Variants in STXBP5 observed in about 807,000 individuals in gnomAD.
The protein encoded by STXBP5 is syntaxin binding protein 5, also known as syntaxin-binding protein 5.
A neutral mutation model predicts 152.4 loss-of-function variants in STXBP5; 50 were observed. The observed-to-expected ratio is 0.33, with a 90% CI of 0.26 to 0.42. The LOEUF (loss-of-function observed/expected upper bound fraction) is 0.42, where lower values mean the gene tolerates loss of function less well. STXBP5 is among the 10% of genes least tolerant of loss of function. The pLI is 1.00. For missense variants in STXBP5, 1,167 were observed against 1,388.6 expected, an observed-to-expected ratio of 0.84 and a Z score of 2.54; for synonymous variants, 492 against 494.7, an observed-to-expected ratio of 0.99 and a Z score of 0.07.
chr6:147,305,655 T>C (rs1782052870), intron 9 of STXBP5, among the ~76,000 whole-genome samples: 1 of 152,188 alleles, frequency 6.6e-6, no homozygotes, highest in African/African-American at 2.4e-5. Context: ...TAGGTATTAA[T>C]AGTTTATGTT....
chr6:147,253,788 A>G (rs1361047355), intron 4 of STXBP5, among the ~76,000 whole-genome samples: 1 of 152,240 alleles, frequency 6.6e-6, no homozygotes, highest in Non-Finnish European at 1.5e-5. Context: ...CCTCAAGGAA[A>G]TAAGAGAGGA....
intron 16 of STXBP5, among the ~76,000 whole-genome samples, chr6:147,319,681 A>G (rs935827904): frequency 6.6e-6 from 1 of 152,102 alleles, no homozygotes; most frequent in African/African-American, 2.4e-5. Flanking sequence ...CCCTGTCAGT[A>G]TGTTTTATAA....
intron 21 of STXBP5, among the ~76,000 whole-genome samples, chr6:147,347,624 G>T (rs546389078): frequency 6.6e-6 from 1 of 152,216 alleles, no homozygotes; most frequent in Admixed American, 6.5e-5. Context: ...GGAAAAGAGG[G>T]CTACTTTCCT....
Position 147,307,803 on chromosome 6 carries a change from A to C in STXBP5, c.918-2281A>C, listed in dbSNP as rs755460191. ...CAAACTGTTTCTCTTTTGTAAATAT[A>C]AGTTTAGAAAATAAGTACAGGCAGC... On this transcript the variant is annotated intron_variant, in intron 9 of 27. Coordinates refer to ENST00000321680, the MANE Select transcript of STXBP5 (RefSeq NM_001127715.4). Among the ~76,000 whole-genome samples, 68 of 152,316 alleles carry C rather than the reference A, an allele frequency of 4.5e-4. 2 individuals carry two copies. The highest frequency in any genetic ancestry group is 1.2e-3 in the South Asian group (6 of 4,830).
chr6:147,267,241 G>A (rs1779937864), intron 7 of STXBP5, 74 bp downstream of exon 7: 1 of 1,294,626 alleles, frequency 7.7e-7, no homozygotes, highest in Non-Finnish European at 1.1e-6. Context: ...AACTTAATTG[G>A]TAATTTTACT....
rs1326122860 is a variant in STXBP5, at chr6:147,384,624, CAT to C, written c.3415-88_3415-87del. ...AGCACTACAGAATATTGCAGAATGA[CAT>C]AATGTTTTGGAAAAATATAGAAATC... On this transcript the variant is annotated intron_variant, in intron 27 of 27. Transcript: ENST00000321680. 1.7e-5 allele frequency: 22 copies of C among 1,304,050 alleles called. No homozygotes were observed. The East Asian group carries it at 2.3e-4, about 14-fold the overall frequency. 80.8% of individuals were successfully genotyped at this position (1,304,050 alleles called of 1,614,324 possible). A position where few individuals can be genotyped will look rare whatever the true frequency, so the allele number is the denominator to read the frequency against.
chr6:147,246,647 C>CT (rs917403451), intron 4 of STXBP5, among the ~76,000 whole-genome samples: 3 of 152,008 alleles, frequency 2.0e-5, no homozygotes, highest in African/African-American at 7.2e-5. Context: ...TTCTATATGA[C>CT]TTTTATTATT....
chr6:147,291,002 C>T, intron 8 of STXBP5, 92 bp from the exon 9 acceptor site: 1 of 899,596 alleles, frequency 1.1e-6, no homozygotes, highest in South Asian at 2.1e-5. Flanking sequence ...TGGTGGATTT[C>T]ATTATATTTC....
At position 147,363,645 on chromosome 6, in the gene STXBP5, A is replaced by G. The variant is rs774082456; in HGVS notation, c.2856A>G (p.Ala952=). The G allele has an allele frequency of 9.9e-6, 16 of 1,614,014 alleles. No individual in the cohort carries two copies. In the East Asian group the frequency reaches 3.3e-4, roughly 34 times the overall value. ...TSFVLRGDIV[A]LSNSICLACF... is the part of the protein sequence containing the mutation. The stretch of plus-strand genomic sequence containing the variant: ...TTGTGCTTCGTGGAGATATTGTAGC[A>G]TTGAGTAACAGTATCTGCCTTGCCT... Residue 952 remains alanine (A), a synonymous_variant, in exon 24 of 28, where the codon GCA becomes GCG. Coordinates refer to ENST00000321680, the MANE Select transcript of STXBP5 (RefSeq NM_001127715.4).
rs200412410 is a variant in STXBP5 at position 147,303,722 on chromosome 6, A to G, written c.918-6362A>G. Among the ~76,000 whole-genome samples, 22 of 152,330 alleles carry G rather than the reference A, an allele frequency of 1.4e-4. No homozygotes were observed. The South Asian group carries it at 4.4e-3, about 30-fold the overall frequency. On this transcript the variant is annotated intron_variant, in intron 9 of 27. Transcript: ENST00000321680. ...GATATGGGAAAGTTTCGAACTTCCT[A>G]GAGACTTGTTGAATGGGTTTGACCA...
intron 2 of STXBP5, among the ~76,000 whole-genome samples, chr6:147,209,962 T>C (rs949269938): frequency 4.6e-5 from 7 of 152,314 alleles, no homozygotes; most frequent in African/African-American, 1.2e-4. Context: ...TAACCTGAGG[T>C]ATCTGCATGA....
At chr6:147,310,835 A>C (rs1233480934) in intron 10 of STXBP5, among the ~76,000 whole-genome samples, 1 of 152,138 alleles carries the variant, frequency 6.6e-6, no homozygotes, top group East Asian at 1.9e-4. Context: ...GAATCTACTG[A>C]TTTAAATGCT....
intron 2 of STXBP5, among the ~76,000 whole-genome samples, chr6:147,228,532 T>TA (rs1181155662): frequency 2.0e-5 from 3 of 152,122 alleles, no homozygotes; most frequent in African/African-American, 7.2e-5. Flanking sequence ...AGAAGCTGCG[T>TA]AAAATCTATT....
At chr6:147,319,656 G>A (rs548583632) in intron 16 of STXBP5, among the ~76,000 whole-genome samples, 1 of 152,036 alleles carries the variant, frequency 6.6e-6, no homozygotes, top group African/African-American at 2.4e-5. Context: ...TTTGGTGTCA[G>A]ATAGAGGTAA....
chr6:147,293,872 G>A (rs560325896), intron 9 of STXBP5, among the ~76,000 whole-genome samples: 120 of 151,990 alleles, frequency 7.9e-4, no homozygotes, highest in African/African-American at 2.8e-3. Context: ...AAGCATGGTG[G>A]TGCTGAATGT....
At position 147,339,596 on chromosome 6, in the gene STXBP5, AGT is replaced by A. The variant is rs142080708; in HGVS notation, c.2254+216_2254+217del. 3.9e-3 allele frequency among the ~76,000 whole-genome samples: 598 copies of A among 152,102 alleles called. 9 individuals are homozygous for A. Among genetic ancestry groups the A allele is most frequent in the African/African-American group, 0.014 (571 of 41,556 alleles). On this transcript the variant is annotated intron_variant, in intron 21 of 27. Coordinates refer to ENST00000321680, the MANE Select transcript of STXBP5 (RefSeq NM_001127715.4). The stretch of plus-strand genomic sequence containing the variant: ...GGTTGCAGTTCTTTCTCTGACTTAC[AGT>A]GTGAATTTCTCTGTTAATTTTATTT...
intron 5 of STXBP5, 73 bp from the exon 6 acceptor site, chr6:147,262,217 A>G (rs761577648): frequency 2.4e-6 from 2 of 839,004 alleles, no homozygotes; most frequent in Non-Finnish European, 3.7e-6. Context: ...ATTTATTTTT[A>G]TTGGAATGAA....
intron 2 of STXBP5, among the ~76,000 whole-genome samples, chr6:147,211,919 C>T (rs1002724585): frequency 2.0e-5 from 3 of 152,186 alleles, no homozygotes; most frequent in African/African-American, 7.2e-5. Flanking sequence ...CCTCCTCCTC[C>T]ATCCTTTTTT....
At chr6:147,329,750 C>T (rs1189083026) in intron 18 of STXBP5, among the ~76,000 whole-genome samples, 2 of 151,224 alleles carry the variant, frequency 1.3e-5, no homozygotes, top group African/African-American at 2.4e-5. Context: ...CTCAGCCTCC[C>T]GAGTAGCTGG....
Sources: gnomAD v4.1 joint callset for allele counts (sites outside exome capture counted in the v4.1 genomes callset) on GRCh38, gnomAD v4.1.1 for gene constraint, MANE v1.5 for transcripts, NCBI Gene and HGNC (gene_info 2026-07-23, HGNC 2026-07-21) for gene names.